Variants in CA10 observed in about 807,000 individuals in gnomAD.
The protein encoded by CA10 is carbonic anhydrase-related protein 10.
A neutral mutation model predicts 44.2 loss-of-function variants in CA10; 14 were observed. That is an observed-to-expected ratio of 0.32 (90% CI 0.21 to 0.50). The LOEUF is 0.50. CA10 is among the 20% of genes least tolerant of loss of function. CA10 has a pLI of 0.99. For missense variants in CA10, 350 were observed against 409.7 expected, an observed-to-expected ratio of 0.85 and a Z score of 1.26; for synonymous variants, 159 against 141.6, an observed-to-expected ratio of 1.12 and a Z score of -0.87.
At chr17:51,658,596 C>T (rs1045001481) in intron 4 of CA10, among the ~76,000 whole-genome samples, 6 of 152,050 alleles carry the variant, frequency 3.9e-5, no homozygotes, top group Non-Finnish European at 5.9e-5. Context: ...TAGGGACAAG[C>T]GGCTAGGAAT....
chr17:52,076,458 G>A (rs961633143), intron 1 of CA10, among the ~76,000 whole-genome samples: 1 of 152,202 alleles, frequency 6.6e-6, no homozygotes, highest in Admixed American at 6.5e-5. Context: ...GAACTGCAGA[G>A]CTCCTGTTAG....
intron 4 of CA10, among the ~76,000 whole-genome samples, chr17:51,704,943 T>C (rs1390556290): frequency 6.7e-6 from 1 of 149,324 alleles, no homozygotes; most frequent in Non-Finnish European, 1.5e-5. Flanking sequence ...CACTCCAGCC[T>C]GGGTGACAGA....
intron 1 of CA10, among the ~76,000 whole-genome samples, chr17:52,113,785 G>T (rs973194542): frequency 1.3e-5 from 2 of 152,152 alleles, no homozygotes; most frequent in African/African-American, 4.8e-5. Context: ...AATTTGAGGT[G>T]TTTTCATTTA....
intron 2 of CA10, among the ~76,000 whole-genome samples, chr17:51,976,371 G>C (rs537146662): frequency 2.6e-5 from 4 of 152,230 alleles, no homozygotes; most frequent in Non-Finnish European, 2.9e-5. Flanking sequence ...TCATCTACTA[G>C]TTTATTTCAG....
intron 3 of CA10, among the ~76,000 whole-genome samples, chr17:51,925,419 A>G (rs1982387082): frequency 6.6e-6 from 1 of 151,986 alleles, no homozygotes; most frequent in Non-Finnish European, 1.5e-5. Flanking sequence ...CTATTTCAAA[A>G]TAAATAACAA....
At chr17:51,942,351 T>C (rs1458496121) in intron 2 of CA10, among the ~76,000 whole-genome samples, 1 of 152,024 alleles carries the variant, frequency 6.6e-6, no homozygotes, top group African/African-American at 2.4e-5. Flanking sequence ...AATCCGTTGG[T>C]GTTTTAATGA....
intron 2 of CA10, among the ~76,000 whole-genome samples, chr17:52,067,321 G>A (rs772259629): frequency 6.6e-6 from 1 of 152,230 alleles, no homozygotes; most frequent in Non-Finnish European, 1.5e-5. Context: ...GCAAGCCCCA[G>A]GCCTTGGTGG....
intron 4 of CA10, among the ~76,000 whole-genome samples, chr17:51,724,880 A>C (rs978807497): frequency 6.6e-6 from 1 of 152,200 alleles, no homozygotes; most frequent in African/African-American, 2.4e-5. Context: ...GCCGCTCAGT[A>C]AATACCTGAA....
intron 2 of CA10, among the ~76,000 whole-genome samples, chr17:51,960,809 T>C (rs1983858496): frequency 6.6e-6 from 1 of 152,142 alleles, no homozygotes; most frequent in Admixed American, 6.6e-5. Context: ...CATTAGAACA[T>C]ATTCTGAACT....
chr17:51,743,811 A>G (rs1904560344), intron 4 of CA10, among the ~76,000 whole-genome samples: 1 of 152,230 alleles, frequency 6.6e-6, no homozygotes, highest in Admixed American at 6.5e-5. Context: ...AGGATAGCCA[A>G]AAATAGAGGC....
intron 3 of CA10, among the ~76,000 whole-genome samples, chr17:51,892,177 A>C (rs144335616): frequency 3.4e-4 from 52 of 152,344 alleles, no homozygotes; most frequent in Non-Finnish European, 7.2e-4. Flanking sequence ...AGAGACATGA[A>C]GTGCCGGATT....
chr17:51,710,921 C>CTTTTT (rs55854155), intron 4 of CA10, among the ~76,000 whole-genome samples: 122 of 84,456 alleles, frequency 1.4e-3, no homozygotes, highest in East Asian at 3.5e-3. Flanking sequence ...CAACATTTTG[C>CTTTTT]TTTTTTTTTT....
intron 3 of CA10, among the ~76,000 whole-genome samples, chr17:51,820,428 T>C (rs1476400301): frequency 1.3e-5 from 1 of 77,304 alleles, no homozygotes; most frequent in Non-Finnish European, 2.3e-5. Context: ...CGCCCGCCGA[T>C]TTTCCTGTAC....
At chr17:52,072,539 C>CT (rs5820905) in intron 1 of CA10, 146 bp from the exon 2 acceptor site, 276,971 of 379,318 alleles carry the variant, frequency 0.73, 91,064 homozygotes, top group African/African-American at 0.83. Flanking sequence ...TCTCCCTTCC[C>CT]TTTTTTTTTT....
chr17:52,135,994 G>A (rs1262767494), intron 1 of CA10, among the ~76,000 whole-genome samples: 2 of 152,160 alleles, frequency 1.3e-5, no homozygotes, highest in Non-Finnish European at 2.9e-5. Flanking sequence ...CCTCCAATAA[G>A]CTCTCCAAAT....
intron 2 of CA10, among the ~76,000 whole-genome samples, chr17:51,979,367 T>C (rs1245157109): frequency 1.3e-5 from 2 of 152,170 alleles, no homozygotes; most frequent in African/African-American, 4.8e-5. Flanking sequence ...GGGGTACATG[T>C]GAATATTTAT....
intron 3 of CA10, among the ~76,000 whole-genome samples, chr17:51,909,479 G>A (rs928705098): frequency 6.6e-6 from 1 of 152,026 alleles, no homozygotes; most frequent in Non-Finnish European, 1.5e-5. Context: ...CTCTTTTTTC[G>A]AGCTATTTTG....
chr17:51,854,004 T>C (rs1978924515), intron 3 of CA10, among the ~76,000 whole-genome samples: 1 of 152,310 alleles, frequency 6.6e-6, no homozygotes, highest in East Asian at 1.9e-4. Flanking sequence ...CTGGCCTTGG[T>C]GACCTGTTAT....
chr17:51,779,803 T>C (rs1376592124), intron 3 of CA10, among the ~76,000 whole-genome samples: 1 of 152,180 alleles, frequency 6.6e-6, no homozygotes, highest in Non-Finnish European at 1.5e-5. Context: ...TGGAAAGTAA[T>C]TCATGTGCCT....
Sources: gnomAD v4.1 joint callset for allele counts (sites outside exome capture counted in the v4.1 genomes callset) on GRCh38, gnomAD v4.1.1 for gene constraint, MANE v1.5 for transcripts, NCBI Gene and HGNC (gene_info 2026-07-23, HGNC 2026-07-21) for gene names.